SCAI: variants seen among roughly 807,000 people sequenced by gnomAD.
SCAI encodes the protein protein SCAI.
SCAI carries 24 observed loss-of-function variants against 92.2 expected under a neutral mutation model. That is an observed-to-expected ratio of 0.26 (90% CI 0.19 to 0.37). The LOEUF (loss-of-function observed/expected upper bound fraction) is 0.37, where lower values mean the gene tolerates loss of function less well. Among genes scored for constraint, SCAI ranks in the 10% least tolerant of loss-of-function variants. The probability of loss-of-function intolerance (pLI) is 1.00; values close to 1 mark genes in which losing one functional copy is unlikely to be tolerated. For synonymous variants in SCAI, 261 were observed against 258.6 expected, an observed-to-expected ratio of 1.01 and a Z score of -0.09; for missense variants, 450 against 736.2, an observed-to-expected ratio of 0.61 and a Z score of 4.50.
intron 10 of SCAI, 62 bp from the exon 11 acceptor site, chr9:125,003,277 A>G (rs2131039708): frequency 3.1e-6 from 4 of 1,307,994 alleles, no homozygotes; most frequent in Non-Finnish European, 3.3e-6. Flanking sequence ...AATTATCAAT[A>G]TCTATTTTCA....
rs143819730 is a variant in SCAI, at chr9:125,077,881, G to A, written c.99-21874C>T. Reference sequence around the variant, plus strand: ...TTATAGGCACCTGCCACCACGCCTGGCTAATTTTTGTATTTTTAGTAGAGA... The same window carrying A: ...TTATAGGCACCTGCCACCACGCCTGACTAATTTTTGTATTTTTAGTAGAGA... On this transcript the variant is annotated intron_variant, in intron 2 of 17. Coordinates refer to ENST00000336505, the MANE Select transcript of SCAI (RefSeq NM_001144877.3). Among the ~76,000 whole-genome samples the A allele has an allele frequency of 2.4e-3, 364 of 152,084 alleles. 1 individual carries two copies. Among genetic ancestry groups the A allele is most frequent in the Non-Finnish European group, 4.0e-3 (272 of 67,976 alleles).
Position 125,109,080 on chromosome 9 carries a change from A to C in SCAI, c.98+33553T>G, listed in dbSNP as rs187303379. Among the ~76,000 whole-genome samples, 61 of 152,324 alleles carry C rather than the reference A, an allele frequency of 4.0e-4. No homozygotes were observed. In the East Asian group the frequency reaches 0.01, roughly 26 times the overall value. On this transcript the variant is annotated intron_variant, in intron 2 of 17. Coordinates refer to ENST00000336505, the MANE Select transcript of SCAI (RefSeq NM_001144877.3). ...TACCCCCAACCCGCTGCTCTCTGAA[A>C]CATGTGCTGTGTCCACTCAGGGTTA...
At chr9:124,973,771 T>A (rs557842444) in intron 15 of SCAI, among the ~76,000 whole-genome samples, 1 of 152,278 alleles carries the variant, frequency 6.6e-6, no homozygotes, top group Admixed American at 6.5e-5. Context: ...GAGGTTGTAG[T>A]GAGCTGAGAC....
chr9:125,064,990 T>C (rs1490313535), intron 2 of SCAI, among the ~76,000 whole-genome samples: 1 of 152,096 alleles, frequency 6.6e-6, no homozygotes, highest in Non-Finnish European at 1.5e-5. Flanking sequence ...TAGATACAGA[T>C]AATTCTATGC....
chr9:125,069,086 C>T (rs1833926470), intron 2 of SCAI, among the ~76,000 whole-genome samples: 1 of 151,692 alleles, frequency 6.6e-6, no homozygotes, highest in Non-Finnish European at 1.5e-5. Flanking sequence ...GGCCTGGTGG[C>T]ATGCACCTGT....
intron 3 of SCAI, among the ~76,000 whole-genome samples, chr9:125,034,357 C>CCATA (rs953224776): frequency 5.3e-5 from 8 of 152,022 alleles, no homozygotes; most frequent in Non-Finnish European, 1.2e-4. Context: ...CTAGTGCCTT[C>CCATA]CATATAACAG....
intron 3 of SCAI, among the ~76,000 whole-genome samples, chr9:125,042,755 C>T (rs924483345): frequency 2.0e-5 from 3 of 150,886 alleles, no homozygotes; most frequent in Non-Finnish European, 4.4e-5. Flanking sequence ...AAACCTTCTA[C>T]CTCCTAATCC....
At chr9:125,126,109 G>A (rs1017574102) in intron 2 of SCAI, among the ~76,000 whole-genome samples, 2 of 152,174 alleles carry the variant, frequency 1.3e-5, no homozygotes, top group African/African-American at 2.4e-5. Context: ...CCAGGACAAT[G>A]AGTCAAGCTG....
At chr9:125,073,682 T>A (rs181502584) in intron 2 of SCAI, among the ~76,000 whole-genome samples, 1 of 152,092 alleles carries the variant, frequency 6.6e-6, no homozygotes, top group African/African-American at 2.4e-5. Flanking sequence ...ATGACTCTGT[T>A]TATGCAGCAA....
chr9:125,049,350 G>C (rs183434011), intron 3 of SCAI, among the ~76,000 whole-genome samples: 1 of 152,202 alleles, frequency 6.6e-6, no homozygotes, highest in East Asian at 1.9e-4. Context: ...TACATGTCTC[G>C]AGATGCTGCC....
chr9:125,079,762 T>TA (rs111415984), intron 2 of SCAI, among the ~76,000 whole-genome samples: 35,372 of 148,528 alleles, frequency 0.24, 4,594 homozygotes, highest in Middle Eastern at 0.31. Context: ...GTTGGTGACT[T>TA]AAAAAAAAAA....
intron 13 of SCAI, among the ~76,000 whole-genome samples, chr9:124,996,790 C>T (rs543556792): frequency 6.6e-5 from 10 of 151,892 alleles, no homozygotes; most frequent in African/African-American, 1.2e-4. Flanking sequence ...CCACCACACC[C>T]GGCTAATTTT....
intron 9 of SCAI, among the ~76,000 whole-genome samples, chr9:125,007,348 C>T (rs1832532369): frequency 6.6e-6 from 1 of 151,948 alleles, no homozygotes; most frequent in African/African-American, 2.4e-5. Flanking sequence ...CATGGTAGAA[C>T]ACAAATGAAG....
chr9:125,129,229 T>C (rs1384269583), intron 2 of SCAI, among the ~76,000 whole-genome samples: 2 of 151,382 alleles, frequency 1.3e-5, no homozygotes, highest in Non-Finnish European at 2.9e-5. Context: ...TCACTTGAGG[T>C]CAGGAGTTCC....
chr9:125,077,255 G>C (rs1273226859), intron 2 of SCAI, among the ~76,000 whole-genome samples: 1 of 152,182 alleles, frequency 6.6e-6, no homozygotes, highest in Non-Finnish European at 1.5e-5. Flanking sequence ...AAAGGAGAAA[G>C]AAAAATTACT....
chr9:124,978,308 G>A (rs1831803884), intron 14 of SCAI, among the ~76,000 whole-genome samples: 1 of 152,212 alleles, frequency 6.6e-6, no homozygotes, highest in South Asian at 2.1e-4. Flanking sequence ...GGGCGTGGTA[G>A]CGCATGCCTG....
rs963322762 is a variant in SCAI, at chr9:124,948,104, G to A, written c.*4703C>T. On this transcript the variant is annotated 3_prime_UTR_variant, in exon 18 of 18. Coordinates refer to ENST00000336505, the MANE Select transcript of SCAI (RefSeq NM_001144877.3). ...TCCATAATACCTAATACATAAATCC[G>A]ATTTGTCGCTTTTCCCATTATCCTG... 6.6e-6 allele frequency: 1 copy of A among 152,108 alleles called. No homozygotes were observed. The highest frequency in any genetic ancestry group is 6.5e-5 in the Admixed American group (1 of 15,278). 9.4% of individuals were successfully genotyped at this position (152,108 alleles called of 1,614,324 possible).
At chr9:125,078,019 C>T (rs1318068439) in intron 2 of SCAI, among the ~76,000 whole-genome samples, 1 of 152,036 alleles carries the variant, frequency 6.6e-6, no homozygotes, top group Non-Finnish European at 1.5e-5. Context: ...CGTACCCAGC[C>T]TTTGGTGTAT....
Position 124,950,568 on chromosome 9 carries a change from A to C in SCAI, c.*2239T>G, listed in dbSNP as rs1007990206. On this transcript the variant is annotated 3_prime_UTR_variant, in exon 18 of 18. Transcript: ENST00000336505. ...AACAAGAGGTCAGAAAACCGAAGAT[A>C]GTCTATTGCTGTAGTTCAATGAACA... 3.9e-5 allele frequency: 6 copies of C among 152,166 alleles called. No homozygotes were observed. The South Asian group carries it at 1.2e-3, about 31-fold the overall frequency. The allele number at this position is 152,166 out of a possible 1,614,324, so 9.4% of individuals were successfully genotyped here.
Sources: gnomAD v4.1 joint callset for allele counts (sites outside exome capture counted in the v4.1 genomes callset) on GRCh38, gnomAD v4.1.1 for gene constraint, MANE v1.5 for transcripts, NCBI Gene and HGNC (gene_info 2026-07-23, HGNC 2026-07-21) for gene names.